The following TSPAN9 variants were observed in gnomAD, a reference collection of about 807,000 sequenced individuals.
The protein encoded by TSPAN9 is tetraspanin-9.
In TSPAN9, 16 loss-of-function variants were observed where a neutral mutation model predicts 31.0. The observed-to-expected ratio is 0.52, with a 90% CI of 0.35 to 0.78. The LOEUF (loss-of-function observed/expected upper bound fraction) is 0.78. TSPAN9 is among the 30% of genes least tolerant of loss of function. The pLI is 0.01. For synonymous variants in TSPAN9, 145 were observed against 121.6 expected (o/e 1.19, Z -1.27); for missense variants, 272 against 312.5 (o/e 0.87, Z 0.98).
intron 2 of TSPAN9, among the ~76,000 whole-genome samples, chr12:3,118,264 T>TTG (rs2098323467): frequency 2.0e-5 from 2 of 100,072 alleles, no homozygotes; most frequent in Admixed American, 1.1e-4. Flanking sequence ...CCGTTTTTTT[T>TTG]TTTTTTTTTT....
At chr12:3,166,754 A>G (rs140959870) in intron 2 of TSPAN9, among the ~76,000 whole-genome samples, 7 of 152,296 alleles carry the variant, frequency 4.6e-5, no homozygotes, top group African/African-American at 1.7e-4. Flanking sequence ...GGTAGCCACT[A>G]ACCTGATCTC....
At chr12:3,201,155 C>T (rs1413255694) in intron 2 of TSPAN9, 22 bp from the exon 3 acceptor site, 4 of 1,602,492 alleles carry the variant, frequency 2.5e-6, no homozygotes, top group Non-Finnish European at 1.7e-6. Flanking sequence ...TTACCTGGAC[C>T]TGTCCTTTGT....
intron 2 of TSPAN9, among the ~76,000 whole-genome samples, chr12:3,112,479 A>G (rs2098319485): frequency 2.0e-5 from 3 of 151,806 alleles, no homozygotes; most frequent in Admixed American, 1.3e-4. Flanking sequence ...CCTGGCCTGT[A>G]ATGTTCCATT....
chr12:3,179,598 A>G (rs1591662961), intron 2 of TSPAN9, among the ~76,000 whole-genome samples: 1 of 152,198 alleles, frequency 6.6e-6, no homozygotes, highest in Non-Finnish European at 1.5e-5. Flanking sequence ...GGCTTGGTTT[A>G]CAATTGGTTT....
chr12:3,239,613 C>G (rs2098395535), intron 3 of TSPAN9, among the ~76,000 whole-genome samples: 1 of 152,180 alleles, frequency 6.6e-6, no homozygotes, highest in Admixed American at 6.5e-5. Flanking sequence ...TAGAAAGTCT[C>G]TTTGCCGGGT....
chr12:3,124,064 G>A (rs929299270), intron 2 of TSPAN9, among the ~76,000 whole-genome samples: 5 of 152,134 alleles, frequency 3.3e-5, no homozygotes, highest in African/African-American at 1.2e-4. Flanking sequence ...AGGGTAGTTT[G>A]GAAGCACATT....
intron 3 of TSPAN9, among the ~76,000 whole-genome samples, chr12:3,239,852 AC>A (rs1372855244): frequency 6.6e-6 from 1 of 151,940 alleles, no homozygotes; most frequent in Non-Finnish European, 1.5e-5. Flanking sequence ...GGGGAGGAAA[AC>A]AGCTGGGGAT....
At chr12:3,210,171 A>G (rs1006871439) in intron 3 of TSPAN9, among the ~76,000 whole-genome samples, 1 of 151,970 alleles carries the variant, frequency 6.6e-6, no homozygotes, top group Non-Finnish European at 1.5e-5. Context: ...CTAAGCATGA[A>G]GCAGTTCCAT....
intron 3 of TSPAN9, among the ~76,000 whole-genome samples, chr12:3,245,838 G>A (rs1286879491): frequency 6.6e-6 from 1 of 151,938 alleles, no homozygotes; most frequent in Non-Finnish European, 1.5e-5. Context: ...GAGAGTCTTT[G>A]CTGGGCGGAT....
At chr12:3,102,309 G>A (rs901580356) in intron 2 of TSPAN9, among the ~76,000 whole-genome samples, 1 of 151,862 alleles carries the variant, frequency 6.6e-6, no homozygotes, top group South Asian at 2.1e-4. Flanking sequence ...AAATTTTTTT[G>A]TAGAGGCGGA....
chr12:3,118,256 G>GTTTTTTTCTTTTTTT, intron 2 of TSPAN9, among the ~76,000 whole-genome samples: 1 of 31,582 alleles, frequency 3.2e-5, no homozygotes, highest in South Asian at 3.1e-3. Flanking sequence ...TGCACCCGCC[G>GTTTTTTTCTTTTTTT]TTTTTTTTTT....
At chr12:3,175,778 G>T (rs1312450559) in intron 2 of TSPAN9, among the ~76,000 whole-genome samples, 2 of 152,140 alleles carry the variant, frequency 1.3e-5, no homozygotes, top group Non-Finnish European at 2.9e-5. Context: ...GTGTGGGACC[G>T]GCATCGCACC....
In TSPAN9 at chr12:3,159,539, A is replaced by G. The variant is rs566020259; in HGVS notation, c.-17-41638A>G. ...TGAGGTTAAATGAGGTCACCAGGGC[A>G]GGCCCTAATCCACCATGACTGGTGC... On this transcript the variant is annotated intron_variant, in intron 2 of 8. Transcript: ENST00000011898. Among the ~76,000 whole-genome samples, 6 of 152,310 alleles carry G rather than the reference A, an allele frequency of 3.9e-5. No individual in the cohort carries two copies. In the East Asian group the frequency reaches 1.2e-3, roughly 29 times the overall value.
chr12:3,211,203 T>A (rs1591679830), intron 3 of TSPAN9, among the ~76,000 whole-genome samples: 1 of 152,230 alleles, frequency 6.6e-6, no homozygotes, highest in South Asian at 2.1e-4. Flanking sequence ...TTGGAATTTA[T>A]ATTTGTATAT....
chr12:3,162,164 C>T (rs1199701604), intron 2 of TSPAN9, among the ~76,000 whole-genome samples: 1 of 152,164 alleles, frequency 6.6e-6, no homozygotes, highest in African/African-American at 2.4e-5. Context: ...CACCTCCCCC[C>T]ACTGTCTTGC....
intron 3 of TSPAN9, among the ~76,000 whole-genome samples, chr12:3,269,779 CT>C (rs1862638207): frequency 6.6e-6 from 1 of 152,248 alleles, no homozygotes; most frequent in South Asian, 2.1e-4. Flanking sequence ...CTGTGTGGCC[CT>C]TTTTCGCTGC....
At chr12:3,198,247 C>CA (rs1219297150) in intron 2 of TSPAN9, among the ~76,000 whole-genome samples, 1 of 106,980 alleles carries the variant, frequency 9.3e-6, no homozygotes. Context: ...AGGTCACCAC[C>CA]AGCACAGCTC....
At chr12:3,176,062 G>C (rs530561823) in intron 2 of TSPAN9, among the ~76,000 whole-genome samples, 1 of 152,308 alleles carries the variant, frequency 6.6e-6, no homozygotes, top group Non-Finnish European at 1.5e-5. Context: ...TCACCTCTGT[G>C]GGTGCTCCCT....
chr12:3,263,022 G>A (rs1417457498), intron 3 of TSPAN9, among the ~76,000 whole-genome samples: 2 of 152,332 alleles, frequency 1.3e-5, no homozygotes, highest in Non-Finnish European at 1.5e-5. Context: ...CCCAGCTCAC[G>A]TGACACTTGG....
Sources: gnomAD v4.1 joint callset for allele counts (sites outside exome capture counted in the v4.1 genomes callset) on GRCh38, gnomAD v4.1.1 for gene constraint, MANE v1.5 for transcripts, NCBI Gene and HGNC (gene_info 2026-07-23, HGNC 2026-07-21) for gene names.